Variants in CACNA1E observed in about 807,000 individuals in gnomAD.
The protein encoded by CACNA1E is calcium voltage-gated channel subunit alpha1 E.
Under a neutral mutation model 259.2 loss-of-function variants are expected in CACNA1E, and 40 were observed. The ratio of observed to expected loss-of-function variants is 0.15; its 90% CI spans 0.12 to 0.20. The LOEUF is 0.20. Among genes scored for constraint, CACNA1E ranks in the 10% least tolerant of loss-of-function variants. The pLI, the probability that CACNA1E is intolerant of heterozygous loss-of-function variation, is 1.00. For synonymous variants in CACNA1E, 1,104 were observed against 1,138.5 expected (o/e 0.97, Z 0.61); for missense variants, 1,874 against 3,040.1 (o/e 0.62, Z 9.02).
At chr1:181,547,928 G>A (rs536899410) in intron 3 of CACNA1E, among the ~76,000 whole-genome samples, 25 of 152,246 alleles carry the variant, frequency 1.6e-4, no homozygotes, top group African/African-American at 5.8e-4. Context: ...GCATAGAGGA[G>A]AACTTACTAT....
intron 6 of CACNA1E, among the ~76,000 whole-genome samples, chr1:181,648,329 A>G (rs1399500337): frequency 2.0e-5 from 3 of 152,248 alleles, no homozygotes; most frequent in South Asian, 2.1e-4. Context: ...ACACCAAAAC[A>G]TACTCACAAA....
chr1:181,441,024 C>A (rs655572), intron 2 of CACNA1E, among the ~76,000 whole-genome samples: 1 of 134,372 alleles, frequency 7.4e-6, no homozygotes. Context: ...AAAAAAGCGC[C>A]CAGCTCTTCC....
Position 181,758,186 on chromosome 1 carries a change from C to A in CACNA1E, c.4494+75C>A. 1 of 1,319,832 alleles carries A rather than the reference C, an allele frequency of 7.6e-7. No homozygotes were observed. 81.8% of individuals were successfully genotyped at this position (1,319,832 alleles called of 1,614,324 possible). A position where few individuals can be genotyped will look rare whatever the true frequency, so the allele number is the denominator to read the frequency against. ...TCCCAGGGCAAGTGGGAAGACACCC[C>A]AACATCCCAGCCCATCACTGCTTTA... is the stretch of plus-strand genomic sequence containing the variant. On this transcript the variant is annotated intron_variant, in intron 31 of 47. Transcript: ENST00000367573. The surrounding 1 kb of genome is among the most constrained non-coding windows in gnomAD (Gnocchi z 4.2).
intron 6 of CACNA1E, among the ~76,000 whole-genome samples, chr1:181,645,029 T>C (rs553253177): frequency 2.0e-5 from 3 of 152,212 alleles, no homozygotes; most frequent in Non-Finnish European, 4.4e-5. Context: ...GGATGAGACA[T>C]GGGCCAGAAT....
chr1:181,361,033 A>T (rs1457899491), intron 1 of CACNA1E, among the ~76,000 whole-genome samples: 1 of 152,126 alleles, frequency 6.6e-6, no homozygotes, highest in Non-Finnish European at 1.5e-5. Context: ...GACCTAGTAC[A>T]TCTTTCCACT....
intron 1 of CACNA1E, among the ~76,000 whole-genome samples, chr1:181,336,857 A>G (rs1474306220): frequency 6.6e-6 from 1 of 151,970 alleles, no homozygotes; most frequent in Non-Finnish European, 1.5e-5. Context: ...TTCATCTAGC[A>G]TAATGTCTTT....
At chr1:181,544,661 C>A (rs1328317520) in intron 3 of CACNA1E, among the ~76,000 whole-genome samples, 1 of 152,134 alleles carries the variant, frequency 6.6e-6, no homozygotes, top group Non-Finnish European at 1.5e-5. Context: ...CCCTTCTCCC[C>A]CTCCTTCATT....
chr1:181,344,345 A>G (rs1652420399), intron 1 of CACNA1E, among the ~76,000 whole-genome samples: 2 of 152,154 alleles, frequency 1.3e-5, no homozygotes, highest in Admixed American at 1.3e-4. Flanking sequence ...CACCCAAAAC[A>G]TGCTTGGTCT....
At chr1:181,338,640 T>C (rs900023417) in intron 1 of CACNA1E, among the ~76,000 whole-genome samples, 2 of 152,188 alleles carry the variant, frequency 1.3e-5, no homozygotes, top group African/African-American at 4.8e-5. Context: ...TTTCCTTTGC[T>C]GTTCAGAAGC....
At chr1:181,629,643 A>T (rs928689374) in intron 6 of CACNA1E, among the ~76,000 whole-genome samples, 2 of 152,106 alleles carry the variant, frequency 1.3e-5, no homozygotes, top group Non-Finnish European at 2.9e-5. Context: ...CACGTGAAAA[A>T]AATTCTAATA....
intron 3 of CACNA1E, among the ~76,000 whole-genome samples, chr1:181,542,796 T>C: frequency 6.6e-6 from 1 of 151,590 alleles, no homozygotes; most frequent in East Asian, 1.9e-4. Flanking sequence ...AATTTCTTGA[T>C]TTATGGAATA....
chr1:181,765,374 G>T (rs186038469), intron 34 of CACNA1E, among the ~76,000 whole-genome samples: 16 of 152,292 alleles, frequency 1.1e-4, no homozygotes, highest in African/African-American at 3.1e-4. Context: ...AAAGGTAGCA[G>T]CACTGCAGGC....
chr1:181,394,905 C>T (rs1656552467), intron 1 of CACNA1E, among the ~76,000 whole-genome samples: 1 of 152,122 alleles, frequency 6.6e-6, no homozygotes, highest in Non-Finnish European at 1.5e-5. Flanking sequence ...TGGGAAGTAA[C>T]AGGAAGCCAG....
chr1:181,399,148 A>C lies in CACNA1E; in HGVS notation c.-14-13985A>C, dbSNP rs74777394. Among the ~76,000 whole-genome samples the C allele has an allele frequency of 3.0e-3, 449 of 152,030 alleles. 2 individuals carry two copies. Among genetic ancestry groups the C allele is most frequent in the African/African-American group, 0.01 (419 of 41,480 alleles). ...GAAGTTGTAGGAGTTGATTCTTCCC[A>C]AAATAACCTGAGTAATGGCTTGCAG... On this transcript the variant is annotated intron_variant, in intron 1 of 11. Transcript: ENST00000524607.
chr1:181,633,327 C>T (rs188654809), intron 6 of CACNA1E, among the ~76,000 whole-genome samples: 4 of 151,966 alleles, frequency 2.6e-5, no homozygotes, highest in Admixed American at 6.6e-5. Flanking sequence ...TAATACTTAC[C>T]GAATGCTTTC....
intron 44 of CACNA1E, among the ~76,000 whole-genome samples, chr1:181,791,877 G>T (rs559073601): frequency 6.6e-6 from 1 of 152,160 alleles, no homozygotes; most frequent in Non-Finnish European, 1.5e-5. Flanking sequence ...GATGGAATGG[G>T]CACCCCCACA....
At chr1:181,564,883 G>C (rs1234497113) in intron 3 of CACNA1E, among the ~76,000 whole-genome samples, 2 of 134,108 alleles carry the variant, frequency 1.5e-5, no homozygotes, top group Non-Finnish European at 3.5e-5. Flanking sequence ...ATTTTGAAAG[G>C]AATCTTTTTT....
intron 6 of CACNA1E, among the ~76,000 whole-genome samples, chr1:181,635,604 G>T (rs116713597): frequency 6.6e-6 from 1 of 152,142 alleles, no homozygotes; most frequent in Admixed American, 6.5e-5. Flanking sequence ...AACACAGATT[G>T]CTGAGCTTCC....
intron 7 of CACNA1E, among the ~76,000 whole-genome samples, chr1:181,701,070 C>T (rs1652201667): frequency 6.6e-6 from 1 of 152,178 alleles, no homozygotes; most frequent in South Asian, 2.1e-4. Flanking sequence ...ATTTTGCCTT[C>T]CTGAGAGGAA....
Sources: gnomAD v4.1 joint callset for allele counts (sites outside exome capture counted in the v4.1 genomes callset) on GRCh38, gnomAD v4.1.1 for gene constraint, Gnocchi (gnomAD v3.1) non-coding constraint, MANE v1.5 for transcripts, NCBI Gene and HGNC (gene_info 2026-07-23, HGNC 2026-07-21) for gene names.